The following TENM4 variants were observed in gnomAD, a reference collection of about 807,000 sequenced individuals.
The protein encoded by TENM4 is teneurin transmembrane protein 4, also known as teneurin-4.
Under a neutral mutation model 243.3 loss-of-function variants are expected in TENM4, and 82 were observed. The ratio of observed to expected loss-of-function variants is 0.34; its 90% CI spans 0.28 to 0.40. TENM4 has a LOEUF of 0.40. TENM4 is among the 10% of genes least tolerant of loss of function. The pLI is 1.00. For synonymous variants in TENM4, 1,412 were observed against 1,456.3 expected (o/e 0.97, Z 0.69); for missense variants, 3,138 against 3,673.3 (o/e 0.85, Z 3.77).
In TENM4 at chr11:78,903,437, C is replaced by T. The variant is rs1281277339; in HGVS notation, c.580G>A (p.Ala194Thr). The stretch of plus-strand genomic sequence containing the variant: ...CGGTTCAGGGAGTTAATGGAGGCCG[C>T]GTGGTGCTGGTTGGGGGTGTGGGCG... ...SHAHTPNQHH[A>T]ASINSLNRGN... The change falls in exon 7 of 34, where the codon GCG becomes ACG. Residue 194 changes from alanine (A) to threonine (T), a missense_variant. Ala to Thr is a moderately conservative substitution (Grantham distance 58). Coordinates refer to ENST00000278550, the MANE Select transcript of TENM4 (RefSeq NM_001098816.3). 1.9e-6 allele frequency: 3 copies of T among 1,547,860 alleles called. No individual in the cohort carries two copies. In the South Asian group the frequency reaches 3.6e-5, roughly 18 times the overall value.
intron 6 of TENM4, among the ~76,000 whole-genome samples, chr11:78,992,789 G>C (rs79746530): frequency 1.3e-5 from 2 of 152,142 alleles, no homozygotes; most frequent in African/African-American, 4.8e-5. Context: ...CTGCGTGACC[G>C]GAGGCAATTT....
chr11:78,955,372 G>A (rs562302513), intron 6 of TENM4, among the ~76,000 whole-genome samples: 25 of 152,246 alleles, frequency 1.6e-4, no homozygotes, highest in African/African-American at 5.1e-4. Flanking sequence ...CCTCTTCAAC[G>A]GTCTGGGCCC....
chr11:79,096,936 A>ATGCGCGCGCGCGCGCGCGCG (rs1861097641), intron 4 of TENM4: 2 of 149,980 alleles, frequency 1.3e-5, no homozygotes, highest in African/African-American at 5.1e-5. Context: ...GCGCACACAC[A>ATGCGCGCGCGCGCGCGCGCG]CACACACACA....
chr11:78,818,762 C>T (rs559476204), intron 12 of TENM4, among the ~76,000 whole-genome samples: 42 of 152,174 alleles, frequency 2.8e-4, no homozygotes, highest in African/African-American at 9.4e-4. Flanking sequence ...AATTTCTTCC[C>T]CCACAGTCTC....
In TENM4 at chr11:78,669,497, C is replaced by T. The variant is rs778832577; in HGVS notation, c.6848G>A (p.Arg2283Gln). The T allele has an allele frequency of 1.8e-5, 29 of 1,613,878 alleles. No homozygotes were observed. Among genetic ancestry groups the T allele is most frequent in the South Asian group, 5.5e-5 (5 of 91,078 alleles). ...GTACCTGACACTCCAGCTGCCAGCC[C>T]GGTTGTAGGCCTTGATGAGCAGGCC... Reference protein sequence around the residue: ...SAGLLIKAYNRAGSWSVRYRY... With the variant: ...SAGLLIKAYNQAGSWSVRYRY... The change falls in exon 32 of 34, where the codon CGG becomes CAG. Residue 2283 changes from arginine to glutamine, a missense_variant. This residue lies in a region of TENM4 where 2,467 missense variants were observed against 3,059.1 expected (regional missense o/e 0.81). Coordinates refer to ENST00000278550, the MANE Select transcript of TENM4 (RefSeq NM_001098816.3). This position sits in a 1 kb window ranked among gnomAD's most constrained non-coding sequence, Gnocchi z 6.4.
intron 17 of TENM4, among the ~76,000 whole-genome samples, chr11:78,773,476 G>A (rs951449393): frequency 6.6e-6 from 1 of 152,118 alleles, no homozygotes; most frequent in African/African-American, 2.4e-5. Context: ...TTTGGGCAGA[G>A]GGCATATAAT....
At chr11:79,118,872 A>G (rs1861676926) in intron 4 of TENM4, among the ~76,000 whole-genome samples, 1 of 152,204 alleles carries the variant, frequency 6.6e-6, no homozygotes. Context: ...GTCCATGGAC[A>G]TATAGACCTC....
chr11:78,934,064 A>T (rs1048455469), intron 6 of TENM4, among the ~76,000 whole-genome samples: 1 of 152,194 alleles, frequency 6.6e-6, no homozygotes, highest in African/African-American at 2.4e-5. Context: ...TACTCAGGGC[A>T]GTATTTTTGC....
At chr11:79,099,775 T>C (rs1313006462) in intron 4 of TENM4, among the ~76,000 whole-genome samples, 1 of 152,210 alleles carries the variant, frequency 6.6e-6, no homozygotes, top group African/African-American at 2.4e-5. Flanking sequence ...TGCTTCTAGA[T>C]TGACAGAGAG....
intron 2 of TENM4, among the ~76,000 whole-genome samples, chr11:79,292,953 T>C (rs142969950): frequency 8.7e-4 from 133 of 152,282 alleles, no homozygotes; most frequent in African/African-American, 3.1e-3. Context: ...ATAAACCCTG[T>C]ACCCTGTTAA....
chr11:79,109,562 C>A (rs1861456160), intron 4 of TENM4, among the ~76,000 whole-genome samples: 1 of 152,174 alleles, frequency 6.6e-6, no homozygotes, highest in Non-Finnish European at 1.5e-5. Flanking sequence ...GGCAGGCAGG[C>A]CGAGGTTCAA....
At chr11:78,976,598 A>G (rs746026167) in intron 6 of TENM4, among the ~76,000 whole-genome samples, 2 of 152,144 alleles carry the variant, frequency 1.3e-5, no homozygotes, top group Non-Finnish European at 2.9e-5. Flanking sequence ...TTTTGGGGAA[A>G]GCACAAACAT....
intron 4 of TENM4, among the ~76,000 whole-genome samples, chr11:79,079,050 C>T (rs1860599829): frequency 6.6e-6 from 1 of 152,224 alleles, no homozygotes; most frequent in South Asian, 2.1e-4. Context: ...CTGGCCTGGA[C>T]TCCTGGGAGA....
chr11:79,373,975 C>T (rs1857838566), intron 1 of TENM4, among the ~76,000 whole-genome samples: 1 of 152,102 alleles, frequency 6.6e-6, no homozygotes, highest in Non-Finnish European at 1.5e-5. Flanking sequence ...CCATCCAAGG[C>T]TGGGGCAGGA....
At chr11:79,218,208 G>A (rs1383586661) in intron 2 of TENM4, among the ~76,000 whole-genome samples, 1 of 151,386 alleles carries the variant, frequency 6.6e-6, no homozygotes, top group African/African-American at 2.4e-5. Context: ...ACCCTGCCTT[G>A]TTCATTAGAA....
chr11:78,983,512 CTAGGGACACAGATG>C (rs1199582647), intron 6 of TENM4, among the ~76,000 whole-genome samples: 8 of 152,344 alleles, frequency 5.3e-5, no homozygotes, highest in Non-Finnish European at 8.8e-5. Context: ...GCCTTGGGCT[CTAGGGACACAGATG>C]CATGGGTCAT....
chr11:79,111,732 G>A (rs552465779), intron 4 of TENM4, among the ~76,000 whole-genome samples: 7 of 152,268 alleles, frequency 4.6e-5, no homozygotes, highest in African/African-American at 1.7e-4. Context: ...GCCCTCGGGA[G>A]CCCACATGCT....
chr11:79,030,853 C>T (rs1240205958), intron 6 of TENM4, among the ~76,000 whole-genome samples: 1 of 152,160 alleles, frequency 6.6e-6, no homozygotes, highest in Non-Finnish European at 1.5e-5. Flanking sequence ...AGCCTCTCAG[C>T]AGGCCCCCGC....
chr11:78,814,201 G>A (rs1362632148), intron 13 of TENM4, 93 bp downstream of exon 13: 11 of 1,226,532 alleles, frequency 9.0e-6, no homozygotes, highest in Admixed American at 4.9e-5. Flanking sequence ...ATCAGAAGGT[G>A]GGCTGGATTC....
Sources: gnomAD v4.1 joint callset for allele counts (sites outside exome capture counted in the v4.1 genomes callset) on GRCh38, gnomAD v4.1.1 for gene constraint, gnomAD v4.1.1 regional missense constraint, Gnocchi (gnomAD v3.1) non-coding constraint, MANE v1.5 for transcripts, NCBI Gene and HGNC (gene_info 2026-07-23, HGNC 2026-07-21) for gene names.